Variants in FAM3D observed in about 807,000 individuals in gnomAD.
The protein encoded by FAM3D is protein FAM3D.
In FAM3D, 26 loss-of-function variants were observed where a neutral mutation model predicts 29.8. The ratio of observed to expected loss-of-function variants is 0.87; its 90% CI spans 0.64 to 1.21. The LOEUF (loss-of-function observed/expected upper bound fraction) is 1.21, where lower values mean the gene tolerates loss of function less well. FAM3D is among the 50% of genes most tolerant of loss of function. The pLI, the probability that FAM3D is intolerant of heterozygous loss-of-function variation, is 0.00. For missense variants in FAM3D, 253 were observed against 290.9 expected, an observed-to-expected ratio of 0.87 and a Z score of 0.95; for synonymous variants, 115 against 102.3, an observed-to-expected ratio of 1.12 and a Z score of -0.75.
chr3:58,638,602 A>G (rs943858242), intron 7 of FAM3D, among the ~76,000 whole-genome samples: 6 of 152,346 alleles, frequency 3.9e-5, no homozygotes, highest in African/African-American at 1.4e-4. Flanking sequence ...ATGATTAAGT[A>G]TTTCAAGACC....
chr3:58,644,585 G>A (rs1326663109), intron 5 of FAM3D, among the ~76,000 whole-genome samples: 4 of 152,158 alleles, frequency 2.6e-5, no homozygotes, highest in South Asian at 2.1e-4. Flanking sequence ...GCGTGAAAAC[G>A]GACTAATACG....
At chr3:58,641,529 A>G (rs559059621) in intron 6 of FAM3D, among the ~76,000 whole-genome samples, 4 of 151,518 alleles carry the variant, frequency 2.6e-5, no homozygotes, top group Non-Finnish European at 4.4e-5. Flanking sequence ...TAATTTTTTT[A>G]CTTTTTGTAG....
intron 2 of FAM3D, among the ~76,000 whole-genome samples, chr3:58,655,014 C>G (rs1018526090): frequency 6.6e-6 from 1 of 152,194 alleles, no homozygotes; most frequent in Non-Finnish European, 1.5e-5. Context: ...GAGGCGGTCA[C>G]TTCCCCACTG....
At chr3:58,651,001 G>A (rs904377689) in intron 3 of FAM3D, among the ~76,000 whole-genome samples, 1 of 149,742 alleles carries the variant, frequency 6.7e-6, no homozygotes, top group Non-Finnish European at 1.5e-5. Context: ...ACAGGCGTGA[G>A]CCACCGTGCC....
At chr3:58,639,916 A>T (rs1044350923) in intron 7 of FAM3D, among the ~76,000 whole-genome samples, 1 of 152,126 alleles carries the variant, frequency 6.6e-6, no homozygotes, top group Non-Finnish European at 1.5e-5. Flanking sequence ...CTGTCTCAGG[A>T]TCTGAGTCTG....
intron 1 of FAM3D, among the ~76,000 whole-genome samples, chr3:58,661,098 T>A (rs1191927419): frequency 6.6e-6 from 1 of 152,228 alleles, no homozygotes; most frequent in Non-Finnish European, 1.5e-5. Flanking sequence ...AGACAATATA[T>A]AAATGAATAC....
At chr3:58,649,867 C>T (rs548225147) in intron 3 of FAM3D, among the ~76,000 whole-genome samples, 145 of 152,290 alleles carry the variant, frequency 9.5e-4, no homozygotes, top group African/African-American at 3.4e-3. Context: ...ATGTAGATGG[C>T]ATGTGTGATG....
chr3:58,651,695 C>T (rs1001568061), intron 3 of FAM3D, among the ~76,000 whole-genome samples: 3 of 152,184 alleles, frequency 2.0e-5, no homozygotes, highest in East Asian at 1.9e-4. Flanking sequence ...TACTGCCCCT[C>T]TCCCACCTCG....
chr3:58,658,320 C>T (rs971270543), intron 1 of FAM3D, among the ~76,000 whole-genome samples: 2 of 152,138 alleles, frequency 1.3e-5, no homozygotes, highest in Non-Finnish European at 2.9e-5. Context: ...ATTAAACCAC[C>T]AGATAGAGAA....
At chr3:58,649,385 T>C (rs1056321466) in intron 3 of FAM3D, 47 bp from the exon 4 acceptor site, 1 of 1,611,510 alleles carries the variant, frequency 6.2e-7, no homozygotes, top group Non-Finnish European at 8.5e-7. Context: ...CTTCGGACCC[T>C]CCTGCAGGAT....
chr3:58,639,987 C>A (rs1011095540), intron 7 of FAM3D, 140 bp downstream of exon 7: 29 of 833,774 alleles, frequency 3.5e-5, no homozygotes, highest in Non-Finnish European at 5.3e-5. Flanking sequence ...CCTCAACCCC[C>A]CACCGCACCT....
chr3:58,640,320 G>T, intron 6 of FAM3D, 143 bp from the exon 7 acceptor site: 3 of 897,792 alleles, frequency 3.3e-6, no homozygotes, highest in Non-Finnish European at 5.3e-6. Flanking sequence ...GAGCACGCAG[G>T]ACTAAAGTAG....
intron 1 of FAM3D, among the ~76,000 whole-genome samples, chr3:58,656,258 A>G (rs1405317818): frequency 6.6e-6 from 1 of 152,178 alleles, no homozygotes; most frequent in Non-Finnish European, 1.5e-5. Context: ...TATCTCTTTA[A>G]TCCTCACAAC....
chr3:58,653,852 T>C, intron 2 of FAM3D, 71 bp from the exon 3 acceptor site: 1 of 1,187,004 alleles, frequency 8.4e-7, no homozygotes, highest in Non-Finnish European at 1.3e-6. Context: ...GTGTGAGTTC[T>C]TCCCAAATCC....
chr3:58,646,576 A>G (rs2066488217), intron 4 of FAM3D, among the ~76,000 whole-genome samples: 1 of 152,244 alleles, frequency 6.6e-6, no homozygotes, highest in Non-Finnish European at 1.5e-5. Flanking sequence ...TTTGGAAGGC[A>G]GCATTAAGGA....
intron 2 of FAM3D, 38 bp from the exon 3 acceptor site, chr3:58,653,819 C>T (rs2066715927): frequency 6.5e-7 from 1 of 1,531,468 alleles, no homozygotes; most frequent in Non-Finnish European, 9.0e-7. Flanking sequence ...GACCACAGAG[C>T]CAAGACCACA....
At chr3:58,664,711 C>T (rs972274165) in intron 1 of FAM3D, among the ~76,000 whole-genome samples, 1 of 152,236 alleles carries the variant, frequency 6.6e-6, no homozygotes, top group Non-Finnish European at 1.5e-5. Flanking sequence ...CAGGGTTGCT[C>T]TCCCCACAAC....
At chr3:58,645,457 G>GAAATA (rs111621495) in intron 5 of FAM3D, 52 bp downstream of exon 5, 672,575 of 1,185,110 alleles carry the variant, frequency 0.57, 203,566 homozygotes, top group Non-Finnish European at 0.6. Context: ...ATGAATGAAT[G>GAAATA]AAATAAAATA....
intron 4 of FAM3D, among the ~76,000 whole-genome samples, chr3:58,646,342 C>A (rs2066479623): frequency 6.6e-6 from 1 of 152,206 alleles, no homozygotes; most frequent in Non-Finnish European, 1.5e-5. Context: ...TAAGTGGCAC[C>A]TCTGGTGATG....
Sources: gnomAD v4.1 joint callset for allele counts (sites outside exome capture counted in the v4.1 genomes callset) on GRCh38, gnomAD v4.1.1 for gene constraint, MANE v1.5 for transcripts, NCBI Gene and HGNC (gene_info 2026-07-23, HGNC 2026-07-21) for gene names.